DMD: variants seen among roughly 807,000 people sequenced by gnomAD.
DMD encodes the protein dystrophin, also known as mutant dystrophin.
In DMD, 63 loss-of-function variants were observed where a neutral mutation model predicts 330.1. The ratio of observed to expected loss-of-function variants is 0.19; its 90% CI spans 0.16 to 0.24. The LOEUF (loss-of-function observed/expected upper bound fraction) is 0.24, where lower values mean the gene tolerates loss of function less well. Ranked by LOEUF, DMD falls within the 10% of genes least tolerant of loss-of-function variation. The pLI is 1.00. For synonymous variants in DMD, 1,223 were observed against 959.8 expected (o/e 1.27, Z -5.07); for missense variants, 3,344 against 2,684.1 (o/e 1.25, Z -5.43).
intron 1 of DMD, among the ~76,000 whole-genome samples, chrX:33,175,662 T>C (rs866054541): frequency 3.6e-5 from 4 of 111,870 alleles, no homozygotes; most frequent in Non-Finnish European, 7.5e-5. Context: ...ACACCTGAGT[T>C]TGAAGTGTGG....
At chrX:32,818,313 A>C (rs905464354) in intron 5 of DMD, among the ~76,000 whole-genome samples, 1 of 111,863 alleles carries the variant, frequency 8.9e-6, no homozygotes, top group Non-Finnish European at 1.9e-5. Context: ...TCATTATGTC[A>C]CTAATTCAGC....
At chrX:32,132,833 T>TAA (rs1280259180) in intron 44 of DMD, among the ~76,000 whole-genome samples, 1 of 110,339 alleles carries the variant, frequency 9.1e-6, no homozygotes, top group African/African-American at 3.3e-5. Flanking sequence ...ATGTTATATC[T>TAA]AAAAAAATTA....
rs191757644 is a variant in DMD at position 32,458,362 on chromosome X, G to A, written c.3433-3530C>T. On this transcript the variant is annotated intron_variant, in intron 25 of 78. Transcript: ENST00000357033. ...CTTTTTTAAAGCTACATAATATTCC[G>A]TTATATGCATATACCATGTTTTATT... Among the ~76,000 whole-genome samples the A allele has an allele frequency of 2.2e-3, 241 of 111,397 alleles. 2 individuals are homozygous for A. The highest frequency in any genetic ancestry group is 6.7e-3 in the African/African-American group (205 of 30,772).
intron 1 of DMD, among the ~76,000 whole-genome samples, chrX:33,161,597 C>T (rs750136604): frequency 9.0e-5 from 10 of 111,190 alleles, no homozygotes; most frequent in African/African-American, 2.9e-4. Flanking sequence ...GTTTCTGAAA[C>T]ATGTATTCTT....
chrX:32,791,566 T>C (rs1171582412), intron 7 of DMD, among the ~76,000 whole-genome samples: 1 of 111,547 alleles, frequency 9.0e-6, no homozygotes, highest in Non-Finnish European at 1.9e-5. Context: ...AAAGAAATCA[T>C]ACAGGAAGTA....
chrX:32,466,384 G>T (rs1469080978), intron 23 of DMD, among the ~76,000 whole-genome samples: 2 of 111,313 alleles, frequency 1.8e-5, no homozygotes, highest in Non-Finnish European at 3.8e-5. Flanking sequence ...CCTAGTTTAT[G>T]TTGGATTTCC....
At chrX:32,070,988 G>A (rs951921742) in intron 44 of DMD, among the ~76,000 whole-genome samples, 7 of 111,584 alleles carry the variant, frequency 6.3e-5, no homozygotes, top group South Asian at 3.8e-4. Context: ...TACAAAGGAC[G>A]TGAACTCATC....
At chrX:32,569,953 T>A (rs1456107388) in intron 15 of DMD, among the ~76,000 whole-genome samples, 2 of 111,716 alleles carry the variant, frequency 1.8e-5, no homozygotes, top group Non-Finnish European at 3.8e-5. Context: ...AGCTACTGTT[T>A]CTTCTTTCCC....
intron 60 of DMD, among the ~76,000 whole-genome samples, chrX:31,393,298 G>A (rs1295480846): frequency 9.1e-6 from 1 of 110,177 alleles, no homozygotes; most frequent in Admixed American, 9.7e-5. Context: ...CAAATATGGT[G>A]AAACCCGGTC....
At chrX:32,549,154 G>A (rs780852902) in intron 16 of DMD, among the ~76,000 whole-genome samples, 29 of 111,969 alleles carry the variant, frequency 2.6e-4, no homozygotes, top group African/African-American at 9.4e-4. Flanking sequence ...ATTCCTCTTA[G>A]AGTGGTTATA....
intron 52 of DMD, among the ~76,000 whole-genome samples, chrX:31,689,883 T>G (rs918952784): frequency 8.9e-6 from 1 of 111,739 alleles, no homozygotes; most frequent in African/African-American, 3.3e-5. Flanking sequence ...GATTCCCTAT[T>G]TAATAAATGG....
At chrX:33,287,504 C>A (rs1036267950) in intron 1 of DMD, among the ~76,000 whole-genome samples, 1 of 111,489 alleles carries the variant, frequency 9.0e-6, no homozygotes, top group Non-Finnish European at 1.9e-5. Flanking sequence ...TATTTCACCA[C>A]AGGCATCAAG....
chrX:32,097,119 CAT>C (rs1274189298), intron 44 of DMD, among the ~76,000 whole-genome samples: 7 of 111,005 alleles, frequency 6.3e-5, no homozygotes, highest in South Asian at 3.8e-4. Flanking sequence ...TTCTGGGAAA[CAT>C]GTGCAGAACG....
intron 74 of DMD, among the ~76,000 whole-genome samples, chrX:31,155,813 C>T (rs765113146): frequency 1.2e-4 from 13 of 110,101 alleles, no homozygotes; most frequent in African/African-American, 4.0e-4. Flanking sequence ...GACACCCCCA[C>T]CATCTTTACA....
chrX:32,910,165 A>G (rs944782715), intron 2 of DMD, among the ~76,000 whole-genome samples: 1 of 112,049 alleles, frequency 8.9e-6, no homozygotes, highest in Non-Finnish European at 1.9e-5. Context: ...AAGGTAAACC[A>G]AAGCACAACA....
chrX:31,759,285 C>G (rs760940556), intron 51 of DMD, among the ~76,000 whole-genome samples: 4 of 87,655 alleles, frequency 4.6e-5, no homozygotes, highest in African/African-American at 1.6e-4. Context: ...AAATAATTGA[C>G]AAAAAAAAAA....
intron 7 of DMD, among the ~76,000 whole-genome samples, chrX:32,775,729 G>A (rs1324729383): frequency 8.8e-6 from 1 of 113,099 alleles, no homozygotes; most frequent in Non-Finnish European, 1.9e-5. Context: ...TGTGATGGAA[G>A]GGGCTGGCAC....
At chrX:32,943,977 T>C (rs1042353505) in intron 2 of DMD, among the ~76,000 whole-genome samples, 2 of 110,900 alleles carry the variant, frequency 1.8e-5, no homozygotes, top group Admixed American at 9.6e-5. Flanking sequence ...CCCAAATATA[T>C]CATACACATT....
intron 17 of DMD, among the ~76,000 whole-genome samples, chrX:32,522,101 T>C (rs991118487): frequency 1.8e-4 from 20 of 112,068 alleles, no homozygotes; most frequent in Non-Finnish European, 3.4e-4. Flanking sequence ...ACCCAGTTTA[T>C]GGTATTTTGT....
Sources: allele counts gnomAD v4.1 joint callset (sites outside exome capture counted in the v4.1 genomes callset), GRCh38; gene constraint gnomAD v4.1.1; transcripts MANE v1.5; gene names NCBI Gene and HGNC (gene_info 2026-07-23, HGNC 2026-07-21).